Variants in TMEFF2 observed in about 807,000 individuals in gnomAD.
TMEFF2 encodes tomoregulin-2.
In TMEFF2, 28 loss-of-function variants were observed where a neutral mutation model predicts 53.8. The observed-to-expected ratio is 0.52, with a 90% CI of 0.39 to 0.71. TMEFF2 has a LOEUF of 0.71. Among genes scored for constraint, TMEFF2 ranks in the 30% least tolerant of loss-of-function variants. The pLI is 0.00. For missense variants in TMEFF2, 353 were observed against 455.2 expected (o/e 0.78, Z 2.04); for synonymous variants, 162 against 166.3 (o/e 0.97, Z 0.20).
chr2:192,045,574 A>AC (rs1190686651), intron 5 of TMEFF2, among the ~76,000 whole-genome samples: 2 of 152,108 alleles, frequency 1.3e-5, no homozygotes, highest in Non-Finnish European at 2.9e-5. Context: ...TCTCCAGCCA[A>AC]CCCTGTTCAT....
intron 7 of TMEFF2, among the ~76,000 whole-genome samples, chr2:191,989,522 T>C (rs1412079684): frequency 1.3e-5 from 2 of 152,164 alleles, no homozygotes; most frequent in Non-Finnish European, 2.9e-5. Flanking sequence ...GTAACCTCAG[T>C]ATAACTGGGC....
At chr2:192,075,501 A>G (rs958815521) in intron 4 of TMEFF2, among the ~76,000 whole-genome samples, 2 of 151,030 alleles carry the variant, frequency 1.3e-5, no homozygotes, top group African/African-American at 4.9e-5. Flanking sequence ...AAAATTTCCT[A>G]CAAAGAATTA....
intron 4 of TMEFF2, among the ~76,000 whole-genome samples, chr2:192,126,674 T>C (rs1689686180): frequency 6.6e-6 from 1 of 152,174 alleles, no homozygotes; most frequent in South Asian, 2.1e-4. Context: ...CTTAGGATAT[T>C]TGATGTTTTA....
intron 4 of TMEFF2, among the ~76,000 whole-genome samples, chr2:192,092,724 G>A (rs528061336): frequency 6.6e-6 from 1 of 152,084 alleles, no homozygotes; most frequent in Non-Finnish European, 1.5e-5. Context: ...TTGTAAGAAG[G>A]GGGCAGCAGA....
At position 192,134,065 on chromosome 2, in the gene TMEFF2, G is replaced by A. The variant is rs1226179245; in HGVS notation, c.439+45603C>T. On this transcript the variant is annotated intron_variant, in intron 4 of 9. Coordinates refer to ENST00000272771, the MANE Select transcript of TMEFF2 (RefSeq NM_016192.4). ...CCTAGCCATCATGTCTGCGTGCAGC[G>A]GCTGCCACTGCTTTAATACTTTTAG... Among the ~76,000 whole-genome samples, 17 of 152,124 alleles carry A rather than the reference G, an allele frequency of 1.1e-4. No individual in the cohort carries two copies. The East Asian group carries it at 1.7e-3, about 15-fold the overall frequency.
chr2:192,137,447 A>G (rs1346815867), intron 4 of TMEFF2, among the ~76,000 whole-genome samples: 2 of 152,198 alleles, frequency 1.3e-5, no homozygotes, highest in Non-Finnish European at 2.9e-5. Flanking sequence ...TTGAAGTAAC[A>G]TTACAGAGAG....
chr2:192,112,570 T>G (rs559462967), intron 4 of TMEFF2, among the ~76,000 whole-genome samples: 12 of 152,304 alleles, frequency 7.9e-5, no homozygotes, highest in African/African-American at 2.9e-4. Flanking sequence ...GACTCTGGGC[T>G]TCTGAGTTAA....
chr2:191,969,166 TAGAGAG>T (rs141807627), intron 7 of TMEFF2, among the ~76,000 whole-genome samples: 7 of 150,248 alleles, frequency 4.7e-5, no homozygotes, highest in Non-Finnish European at 8.9e-5. Flanking sequence ...TATATATATA[TAGAGAG>T]AGAGAGCTAA....
intron 4 of TMEFF2, among the ~76,000 whole-genome samples, chr2:192,118,391 T>C (rs927172176): frequency 6.6e-6 from 1 of 152,198 alleles, no homozygotes; most frequent in Non-Finnish European, 1.5e-5. Context: ...TCCTCCATAA[T>C]AGCTCTAAAA....
intron 4 of TMEFF2, among the ~76,000 whole-genome samples, chr2:192,110,285 T>G (rs1689244064): frequency 6.6e-6 from 1 of 152,080 alleles, no homozygotes; most frequent in Admixed American, 6.6e-5. Context: ...ATTGGTGACT[T>G]TACAAAGAGT....
intron 4 of TMEFF2, among the ~76,000 whole-genome samples, chr2:192,105,071 ACC>A (rs1163909447): frequency 6.6e-6 from 1 of 151,998 alleles, no homozygotes; most frequent in Admixed American, 6.6e-5. Context: ...ATGAATTATT[ACC>A]AGAATCCTTT....
At chr2:192,033,381 C>A (rs1687193518) in intron 5 of TMEFF2, among the ~76,000 whole-genome samples, 1 of 152,030 alleles carries the variant, frequency 6.6e-6, no homozygotes, top group South Asian at 2.1e-4. Context: ...GAATGAGAAC[C>A]TGGTGACTCA....
chr2:192,023,025 T>C (rs1364109065), intron 5 of TMEFF2, among the ~76,000 whole-genome samples: 3 of 152,204 alleles, frequency 2.0e-5, no homozygotes, highest in African/African-American at 7.2e-5. Flanking sequence ...TACTTGCTTA[T>C]TCATCTTTGA....
chr2:191,949,798 T>A lies in TMEFF2; in HGVS notation c.*513A>T. On this transcript the variant is annotated 3_prime_UTR_variant, in exon 10 of 10. Coordinates refer to ENST00000272771, the MANE Select transcript of TMEFF2 (RefSeq NM_016192.4). ...AGAGATGATTCAAAGATCGGAAATA[T>A]TTTATCCTCACTCGATATAAAGTAA... 2 of 985,208 alleles carry A rather than the reference T, an allele frequency of 2.0e-6. No homozygotes were observed. The highest frequency in any genetic ancestry group is 2.4e-6 in the Non-Finnish European group (2 of 829,724). 61.0% of individuals were successfully genotyped at this position (985,208 alleles called of 1,614,324 possible). A position where few individuals can be genotyped will look rare whatever the true frequency, so the allele number is the denominator to read the frequency against.
At chr2:192,189,694 CAAA>C (rs965623831) in intron 2 of TMEFF2, among the ~76,000 whole-genome samples, 10 of 151,854 alleles carry the variant, frequency 6.6e-5, no homozygotes, top group African/African-American at 2.2e-4. Context: ...TAACAAACAC[CAAA>C]AACTCAAATT....
intron 4 of TMEFF2, among the ~76,000 whole-genome samples, chr2:192,079,486 A>T (rs563084711): frequency 1.2e-3 from 186 of 152,348 alleles, no homozygotes; most frequent in African/African-American, 4.2e-3. Context: ...TAGAAAAAAC[A>T]TGGATCTCTG....
chr2:192,164,706 G>A, intron 4 of TMEFF2, among the ~76,000 whole-genome samples: 1 of 145,128 alleles, frequency 6.9e-6, no homozygotes, highest in African/African-American at 2.6e-5. Flanking sequence ...CCAGCCTGGT[G>A]ACATAGCGAG....
intron 4 of TMEFF2, among the ~76,000 whole-genome samples, chr2:192,138,656 A>C (rs554462533): frequency 5.6e-4 from 86 of 152,332 alleles, no homozygotes; most frequent in Admixed American, 4.7e-3. Context: ...ATTTGAAATT[A>C]TTGTGCTATC....
intron 5 of TMEFF2, 130 bp from the exon 6 acceptor site, chr2:191,999,338 G>T: frequency 1.5e-6 from 1 of 673,558 alleles, no homozygotes; most frequent in Non-Finnish European, 2.2e-6. Flanking sequence ...ATCCTTCCAG[G>T]GAAGTTCCTT....
Sources: allele counts gnomAD v4.1 joint callset (sites outside exome capture counted in the v4.1 genomes callset), GRCh38; gene constraint gnomAD v4.1.1; transcripts MANE v1.5; gene names NCBI Gene and HGNC (gene_info 2026-07-23, HGNC 2026-07-21).